The following HIVEP3 variants were observed in gnomAD, a reference collection of about 807,000 sequenced individuals.
The protein encoded by HIVEP3 is transcription factor HIVEP3.
A neutral mutation model predicts 152.8 loss-of-function variants in HIVEP3; 49 were observed. The observed-to-expected ratio is 0.32, with a 90% CI of 0.26 to 0.41. HIVEP3 has a LOEUF of 0.41. Among genes scored for constraint, HIVEP3 ranks in the 10% least tolerant of loss-of-function variants. The pLI is 1.00. For missense variants in HIVEP3, 2,790 were observed against 3,103.3 expected (o/e 0.90, Z 2.40); for synonymous variants, 1,269 against 1,289.0 (o/e 0.98, Z 0.33).
chr1:42,009,513 A>G (rs1266792036), intron 1 of HIVEP3, among the ~76,000 whole-genome samples: 2 of 152,166 alleles, frequency 1.3e-5, no homozygotes, highest in Non-Finnish European at 2.9e-5. Flanking sequence ...CCTTGCCCCA[A>G]TTTCATACTT....
chr1:41,591,091 G>A (rs976497995), intron 3 of HIVEP3, among the ~76,000 whole-genome samples: 5 of 152,216 alleles, frequency 3.3e-5, no homozygotes, highest in Non-Finnish European at 7.3e-5. Context: ...ATTGCTATTG[G>A]AGAAAGCATT....
At chr1:41,669,365 G>A (rs1210099679) in intron 2 of HIVEP3, among the ~76,000 whole-genome samples, 1 of 152,182 alleles carries the variant, frequency 6.6e-6, no homozygotes, top group East Asian at 1.9e-4. Flanking sequence ...GGGGGTGGGA[G>A]GAGGGTGTGA....
intron 5 of HIVEP3, among the ~76,000 whole-genome samples, chr1:41,571,552 G>T (rs1194424685): frequency 6.6e-6 from 1 of 152,224 alleles, no homozygotes; most frequent in Non-Finnish European, 1.5e-5. Flanking sequence ...CTGATGCATT[G>T]TGTGTGCAAA....
intron 1 of HIVEP3, among the ~76,000 whole-genome samples, chr1:41,833,740 G>T (rs1054977501): frequency 6.6e-6 from 1 of 152,190 alleles, no homozygotes; most frequent in African/African-American, 2.4e-5. Flanking sequence ...CAGTGATAAG[G>T]TCCACACACA....
At chr1:41,898,471 A>G (rs1644569300) in intron 1 of HIVEP3, among the ~76,000 whole-genome samples, 1 of 152,214 alleles carries the variant, frequency 6.6e-6, no homozygotes, top group African/African-American at 2.4e-5. Context: ...CATAACTTCT[A>G]TCCACAGGGT....
intron 1 of HIVEP3, among the ~76,000 whole-genome samples, chr1:41,717,403 G>A (rs1025657235): frequency 6.6e-6 from 1 of 152,220 alleles, no homozygotes; most frequent in Non-Finnish European, 1.5e-5. Flanking sequence ...ATGTTGTCAG[G>A]TGGTAATGAG....
At chr1:41,888,136 C>A (rs1268389915) in intron 1 of HIVEP3, among the ~76,000 whole-genome samples, 1 of 150,360 alleles carries the variant, frequency 6.7e-6, no homozygotes, top group African/African-American at 2.5e-5. Flanking sequence ...CCTGGGTTCA[C>A]GCCATTCTCC....
chr1:41,724,999 C>T (rs971505748), intron 1 of HIVEP3, among the ~76,000 whole-genome samples: 2 of 152,222 alleles, frequency 1.3e-5, no homozygotes, highest in African/African-American at 4.8e-5. Context: ...CCCACACCAA[C>T]TCAGGGAAGA....
chr1:41,736,807 C>T (rs1212147663), intron 1 of HIVEP3, among the ~76,000 whole-genome samples: 1 of 152,226 alleles, frequency 6.6e-6, no homozygotes, highest in Non-Finnish European at 1.5e-5. Context: ...GAGGCCCCAT[C>T]ATGACCGGGG....
rs779852823 is a variant in HIVEP3, at chr1:41,582,349, C to T, written c.2449G>A (p.Gly817Ser). 5.6e-6 allele frequency: 9 copies of T among 1,614,008 alleles called. No individual in the cohort carries two copies. Among genetic ancestry groups the T allele is most frequent in the Non-Finnish European group, 7.6e-6 (9 of 1,180,010 alleles). The change falls in exon 4 of 9, where the codon GGC becomes AGC. Residue 817 changes from glycine (G) to serine (S), a missense_variant. By Grantham distance (56) the Gly-to-Ser change is moderately conservative. Around this residue, in one of 9 missense-constraint regions of HIVEP3, gnomAD observed 1,078 missense variants for 1,165.3 expected, o/e 0.93. Transcript: ENST00000372583. This position sits in a 1 kb window ranked among gnomAD's most constrained non-coding sequence, Gnocchi z 4.7. ...AGAGGTTTGTCTTCCCCTTCCAAGC[C>T]ACTCGGCTGCTCGAGAGAATCAGAT... ...EKSDSLEQPSGLEGEDKPLAQ... is the reference protein window; with the variant it reads ...EKSDSLEQPSSLEGEDKPLAQ...
At chr1:41,599,226 CCCGATATCATA>C (rs1169593103) in intron 3 of HIVEP3, among the ~76,000 whole-genome samples, 3 of 152,010 alleles carry the variant, frequency 2.0e-5, no homozygotes, top group Non-Finnish European at 4.4e-5. Context: ...AACCTTGACC[CCCGATATCATA>C]CCATACACAG....
chr1:41,599,399 A>C (rs1322300336), intron 3 of HIVEP3, among the ~76,000 whole-genome samples: 1 of 152,232 alleles, frequency 6.6e-6, no homozygotes, highest in Non-Finnish European at 1.5e-5. Flanking sequence ...ATAATCATAA[A>C]GGAGAGAAGC....
chr1:41,828,055 A>G (rs1215611443), intron 1 of HIVEP3, among the ~76,000 whole-genome samples: 1 of 152,178 alleles, frequency 6.6e-6, no homozygotes, highest in African/African-American at 2.4e-5. Context: ...TATTTTATTT[A>G]TAATTTCCCA....
rs1645734164 is a variant in HIVEP3 at position 41,662,604 on chromosome 1, G to C, written c.-720-33657C>G. ...GGCGCGGCTGGCGGCTGCCAGGGGAGGGTCTCCTCGCCCGGGGAATCCCTG... is the reference window on the plus strand; with the variant it reads ...GGCGCGGCTGGCGGCTGCCAGGGGACGGTCTCCTCGCCCGGGGAATCCCTG... On this transcript the variant is annotated intron_variant, in intron 2 of 8. Coordinates refer to ENST00000372583, the MANE Select transcript of HIVEP3 (RefSeq NM_024503.5). The surrounding 1 kb of genome is among the most constrained non-coding windows in gnomAD (Gnocchi z 7.2). 6.6e-6 allele frequency among the ~76,000 whole-genome samples: 1 copy of C among 151,102 alleles called. No homozygotes were observed.
intron 1 of HIVEP3, among the ~76,000 whole-genome samples, chr1:41,886,809 G>A (rs1446495022): frequency 6.6e-6 from 1 of 151,554 alleles, no homozygotes; most frequent in African/African-American, 2.4e-5. Flanking sequence ...TCCAGTCTTT[G>A]GACATGTGGA....
At position 41,510,893 on chromosome 1, in the gene HIVEP3, A is replaced by G; in HGVS notation, c.6779T>C (p.Val2260Ala). The G allele has an allele frequency of 6.2e-7, 1 of 1,613,066 alleles. No homozygotes were observed. Among genetic ancestry groups the G allele is most frequent in the Non-Finnish European group, 8.5e-7 (1 of 1,179,778 alleles). ...CTCTGAGGAGAGTGTGAATTTGGAG[A>G]CCTTAGCCACAGGCGACACGGAGGC... ...SSASVSPVAK[V>A]SKFTLSSELE... The change falls in exon 9 of 9, where the codon GTC becomes GCC. Residue 2260 changes from valine (V) to alanine (A), a missense_variant. Val to Ala is a moderately conservative substitution (Grantham distance 64). Around this residue, in one of 9 missense-constraint regions of HIVEP3, gnomAD observed 816 missense variants for 806.5 expected, o/e 1.01. Transcript: ENST00000372583.
At chr1:41,908,850 C>A (rs1644754494) in intron 1 of HIVEP3, among the ~76,000 whole-genome samples, 1 of 152,202 alleles carries the variant, frequency 6.6e-6, no homozygotes, top group African/African-American at 2.4e-5. Context: ...TCACTTTTAT[C>A]TTTTGTGGCC....
At position 41,566,584 on chromosome 1, in the gene HIVEP3, G is replaced by A. The variant is rs1486635993; in HGVS notation, c.5207+8960C>T. Among the ~76,000 whole-genome samples the A allele has an allele frequency of 3.3e-5, 5 of 152,244 alleles. No individual in the cohort carries two copies. The East Asian group carries it at 9.7e-4, about 29-fold the overall frequency. On this transcript the variant is annotated intron_variant, in intron 5 of 8. Transcript: ENST00000372583. ...TCCACAGCCAGTCTCTTAGGACAAC[G>A]CTTACACAGGCACCTCCACTCCTCA...
intron 5 of HIVEP3, among the ~76,000 whole-genome samples, chr1:41,545,565 A>G (rs1643758378): frequency 3.1e-5 from 1 of 32,770 alleles, no homozygotes; most frequent in Admixed American, 2.7e-4. Flanking sequence ...CACTACCATC[A>G]CCACCACCAC....
Sources: allele counts gnomAD v4.1 joint callset (sites outside exome capture counted in the v4.1 genomes callset), GRCh38; gene constraint gnomAD v4.1.1; regional missense constraint gnomAD v4.1.1; non-coding constraint Gnocchi (gnomAD v3.1); transcripts MANE v1.5; gene names NCBI Gene and HGNC (gene_info 2026-07-23, HGNC 2026-07-21).